Variants in PRKAR1B observed in about 807,000 individuals in gnomAD.
PRKAR1B encodes the protein protein kinase cAMP-dependent type I regulatory subunit beta.
A neutral mutation model predicts 46.5 loss-of-function variants in PRKAR1B; 22 were observed. The observed-to-expected ratio is 0.47, with a 90% confidence interval of 0.34 to 0.68. PRKAR1B has a LOEUF of 0.68. PRKAR1B is among the 30% of genes least tolerant of loss of function. PRKAR1B has a pLI of 0.01. For missense variants in PRKAR1B, 445 were observed against 535.6 expected (o/e 0.83, Z 1.67); for synonymous variants, 259 against 217.7 (o/e 1.19, Z -1.67).
intron 4 of PRKAR1B, among the ~76,000 whole-genome samples, chr7:621,491 G>A (rs1783105858): frequency 6.6e-6 from 1 of 152,204 alleles, no homozygotes; most frequent in Non-Finnish European, 1.5e-5. Context: ...CAAGAATTCA[G>A]CTCACCCCCA....
intron 6 of PRKAR1B, among the ~76,000 whole-genome samples, 153 bp from the exon 7 acceptor site, chr7:596,457 C>T (rs1310436118): frequency 6.6e-6 from 1 of 152,216 alleles, no homozygotes; most frequent in African/African-American, 2.4e-5. Flanking sequence ...CCCTGCGTTC[C>T]CCAGCAATGG....
intron 3 of PRKAR1B, among the ~76,000 whole-genome samples, chr7:679,576 T>C (rs1377102913): frequency 6.6e-6 from 1 of 152,154 alleles, no homozygotes; most frequent in African/African-American, 2.4e-5. Flanking sequence ...AGGAATGGGG[T>C]GTGCGTGTTT....
Position 583,312 on chromosome 7 carries a change from G to A in PRKAR1B, c.769+1196C>T, listed in dbSNP as rs538518514. On this transcript the variant is annotated intron_variant, in intron 8 of 10. Transcript: ENST00000537384. ...AGGGGTCAAAGTCCTCCCCAAGAAGGAACACAGGCACAGCCACACTGCATA... is the reference window on the plus strand; with the variant it reads ...AGGGGTCAAAGTCCTCCCCAAGAAGAAACACAGGCACAGCCACACTGCATA... Among the ~76,000 whole-genome samples, 5 of 152,164 alleles carry A rather than the reference G, an allele frequency of 3.3e-5. No homozygotes were observed. In the South Asian group the frequency reaches 8.3e-4, roughly 25 times the overall value.
intron 4 of PRKAR1B, among the ~76,000 whole-genome samples, chr7:625,613 T>C (rs536773346): frequency 6.6e-6 from 1 of 151,956 alleles, no homozygotes; most frequent in African/African-American, 2.4e-5. Context: ...ACAAGGGGCA[T>C]CACTACAGGT....
Position 623,171 on chromosome 7 carries a change from C to T in PRKAR1B, c.441-15719G>A, listed in dbSNP as rs572310753. On this transcript the variant is annotated intron_variant, in intron 4 of 10. Transcript: ENST00000537384. Reference sequence around the variant, plus strand: ...AAGGCTTGTTCCGTGACTCTGTTGACTACAAGTTTCCAAAAAATTCTCTCT... The same window carrying T: ...AAGGCTTGTTCCGTGACTCTGTTGATTACAAGTTTCCAAAAAATTCTCTCT... 5.3e-5 allele frequency among the ~76,000 whole-genome samples: 8 copies of T among 152,320 alleles called. No individual in the cohort carries two copies. The South Asian group carries it at 1.5e-3, about 28-fold the overall frequency.
chr7:553,098 C>A (rs1447362194), intron 9 of PRKAR1B, among the ~76,000 whole-genome samples: 1 of 152,212 alleles, frequency 6.6e-6, no homozygotes, highest in Non-Finnish European at 1.5e-5. Context: ...CGCGGCCTGG[C>A]ACAGGGAAAG....
intron 9 of PRKAR1B, among the ~76,000 whole-genome samples, chr7:558,931 C>T (rs1778617185): frequency 6.6e-6 from 1 of 152,116 alleles, no homozygotes; most frequent in Non-Finnish European, 1.5e-5. Context: ...GAGACAGGGT[C>T]CCTCCCTTTG....
chr7:599,623 C>T (rs1351235272), intron 6 of PRKAR1B, among the ~76,000 whole-genome samples: 1 of 152,264 alleles, frequency 6.6e-6, no homozygotes, highest in Non-Finnish European at 1.5e-5. Context: ...TGGGGGTCCC[C>T]CGCGGGGCAG....
chr7:660,242 C>T (rs1199391818), intron 4 of PRKAR1B, among the ~76,000 whole-genome samples: 5 of 151,886 alleles, frequency 3.3e-5, no homozygotes, highest in African/African-American at 7.3e-5. Context: ...TCAGTCTCCC[C>T]GGGGACATGG....
intron 5 of PRKAR1B, among the ~76,000 whole-genome samples, chr7:606,841 A>G (rs570626816): frequency 2.7e-4 from 41 of 151,588 alleles, no homozygotes; most frequent in African/African-American, 9.2e-4. Context: ...TATATTTTAT[A>G]TTTACTTAGT....
Position 714,285 on chromosome 7 carries a change from G to GA in PRKAR1B, c.-22-2759dup, listed in dbSNP as rs1474583274. Among the ~76,000 whole-genome samples the GA allele has an allele frequency of 6.6e-6, 1 of 152,170 alleles. No homozygotes were observed. The highest frequency in any genetic ancestry group is 1.5e-5 in the Non-Finnish European group (1 of 68,020). ...CTTCCCCCACACCGTGCCTCTAGAG[G>GA]AGAGTGGAGGCACCTCTCTGGCTGA... is the stretch of plus-strand genomic sequence containing the variant. On this transcript the variant is annotated intron_variant, in intron 1 of 10. Coordinates refer to ENST00000537384, the MANE Select transcript of PRKAR1B (RefSeq NM_001164760.2). The surrounding 1 kb of genome is among the most constrained non-coding windows in gnomAD (Gnocchi z 4.3).
At chr7:618,727 T>C (rs1429292847) in intron 4 of PRKAR1B, among the ~76,000 whole-genome samples, 7 of 152,226 alleles carry the variant, frequency 4.6e-5, no homozygotes, top group Admixed American at 2.6e-4. Flanking sequence ...TTCCTGTTCA[T>C]ATCCTGTGCC....
In PRKAR1B at chr7:585,365, T is replaced by C. The variant is rs138823013; in HGVS notation, c.709-797A>G. Among the ~76,000 whole-genome samples the C allele has an allele frequency of 2.8e-4, 42 of 152,178 alleles. No individual in the cohort carries two copies. In the East Asian group the frequency reaches 6.8e-3, roughly 24 times the overall value. On this transcript the variant is annotated intron_variant, in intron 7 of 10. Transcript: ENST00000537384. ...TTGTACAGTGCACGAACTCCACAAC[T>C]GTACAGAGCAGCCGCACGGTGGGTA...
At chr7:569,189 T>C (rs1382384224) in intron 9 of PRKAR1B, among the ~76,000 whole-genome samples, 2 of 152,136 alleles carry the variant, frequency 1.3e-5, no homozygotes, top group African/African-American at 4.8e-5. Context: ...CAAGCGGCAT[T>C]TTACTTGAAG....
In PRKAR1B at chr7:644,808, G is replaced by A. The variant is rs933193696; in HGVS notation, c.440+32421C>T. On this transcript the variant is annotated intron_variant, in intron 4 of 10. Transcript: ENST00000537384. This position sits in a 1 kb window ranked among gnomAD's most constrained non-coding sequence, Gnocchi z 4.9. ...CTCCCATAGCCTTCCAGGGAAGCGG[G>A]CCCCAAAGAGGCTGGACCGGGCAGT... is the stretch of plus-strand genomic sequence containing the variant. Among the ~76,000 whole-genome samples the A allele has an allele frequency of 1.4e-4, 22 of 152,292 alleles. No individual in the cohort carries two copies. The South Asian group carries it at 3.1e-3, about 21-fold the overall frequency.
At position 680,548 on chromosome 7, in the gene PRKAR1B, A is replaced by C; in HGVS notation, c.348+8T>G. ...GGGGACAGGAACCCCGTGACCCGTG[A>C]GCCTCACCTTCCTGACGTAGGACAC... On this transcript the variant is annotated splice_region_variant and intron_variant, in intron 3 of 10. Transcript: ENST00000537384. 1 of 1,605,650 alleles carries C rather than the reference A, an allele frequency of 6.2e-7. No homozygotes were observed. The highest frequency in any genetic ancestry group is 8.5e-7 in the Non-Finnish European group (1 of 1,178,308).
At chr7:657,551 A>T (rs1360976677) in intron 4 of PRKAR1B, among the ~76,000 whole-genome samples, 1 of 152,182 alleles carries the variant, frequency 6.6e-6, no homozygotes, top group East Asian at 1.9e-4. Context: ...GTTAGAAAAT[A>T]CAAAGCTATG....
At chr7:717,875 T>C (rs1780934734) in intron 1 of PRKAR1B, among the ~76,000 whole-genome samples, 1 of 152,012 alleles carries the variant, frequency 6.6e-6, no homozygotes, top group African/African-American at 2.4e-5. Flanking sequence ...CTTGAGTGTG[T>C]GTAGGTCCTG....
At chr7:619,957 C>G (rs545515604) in intron 4 of PRKAR1B, among the ~76,000 whole-genome samples, 1 of 152,088 alleles carries the variant, frequency 6.6e-6, no homozygotes, top group South Asian at 2.1e-4. Context: ...CTCAAGTGAT[C>G]CTCCTGCCTC....
Sources: allele counts gnomAD v4.1 joint callset (sites outside exome capture counted in the v4.1 genomes callset), GRCh38; gene constraint gnomAD v4.1.1; non-coding constraint Gnocchi (gnomAD v3.1); transcripts MANE v1.5; gene names NCBI Gene and HGNC (gene_info 2026-07-23, HGNC 2026-07-21).